Variants in NSD3 observed in about 807,000 individuals in gnomAD.
The protein encoded by NSD3 is nuclear receptor binding SET domain protein 3, also known as histone-lysine N-methyltransferase NSD3.
A neutral mutation model predicts 160.8 loss-of-function variants in NSD3; 24 were observed. The ratio of observed to expected loss-of-function variants is 0.15; its 90% confidence interval spans 0.11 to 0.21. The LOEUF (loss-of-function observed/expected upper bound fraction) is 0.21, where lower values mean the gene tolerates loss of function less well. NSD3 is among the 10% of genes least tolerant of loss of function. The probability of loss-of-function intolerance (pLI) is 1.00; values close to 1 mark genes in which losing one functional copy is unlikely to be tolerated. For missense variants in NSD3, 1,157 were observed against 1,735.9 expected (o/e 0.67, Z 5.93); for synonymous variants, 520 against 600.0 (o/e 0.87, Z 1.95).
chr8:38,287,230 G>A (rs952317880), intron 19 of NSD3, among the ~76,000 whole-genome samples: 8 of 152,032 alleles, frequency 5.3e-5, no homozygotes, highest in African/African-American at 1.9e-4. Context: ...TTATTTATTG[G>A]GAATAGGTTA....
chr8:38,309,550 G>T (rs1809484962), intron 12 of NSD3, among the ~76,000 whole-genome samples: 2 of 152,148 alleles, frequency 1.3e-5, no homozygotes. Flanking sequence ...CTAATCAGGA[G>T]GCTGGGGTGG....
chr8:38,285,697 T>C (rs956190223), intron 19 of NSD3, among the ~76,000 whole-genome samples: 1 of 152,258 alleles, frequency 6.6e-6, no homozygotes, highest in Non-Finnish European at 1.5e-5. Context: ...ATATATGATA[T>C]GCATGGCACT....
intron 1 of NSD3, among the ~76,000 whole-genome samples, chr8:38,373,801 A>T (rs897099015): frequency 2.0e-4 from 31 of 152,088 alleles, no homozygotes; most frequent in Non-Finnish European, 2.4e-4. Context: ...AAAAAATTTT[A>T]AAAAATAGCT....
At chr8:38,279,831 T>G in intron 20 of NSD3, 150 bp from the exon 21 acceptor site, 25 of 769,860 alleles carry the variant, frequency 3.2e-5, no homozygotes, top group East Asian at 8.2e-5. Flanking sequence ...CCTGGGTAAT[T>G]TACTAAGTTC....
intron 16 of NSD3, among the ~76,000 whole-genome samples, chr8:38,295,184 A>G (rs1809106070): frequency 6.6e-6 from 1 of 151,594 alleles, no homozygotes; most frequent in Admixed American, 6.6e-5. Flanking sequence ...GAAAAAAAAA[A>G]TCATCTCCAC....
chr8:38,377,232 T>A (rs144269447), intron 1 of NSD3, among the ~76,000 whole-genome samples: 1 of 145,016 alleles, frequency 6.9e-6, no homozygotes, highest in Non-Finnish European at 1.5e-5. Context: ...TTTGTATTTT[T>A]AGTAGAGACG....
chr8:38,376,100 T>C (rs1316929290), intron 1 of NSD3, among the ~76,000 whole-genome samples: 1 of 152,170 alleles, frequency 6.6e-6, no homozygotes, highest in Admixed American at 6.5e-5. Flanking sequence ...GTCTCTATTT[T>C]TTTTCCAGGT....
In NSD3 at chr8:38,322,434, G is replaced by C. The variant is rs192237757; in HGVS notation, c.1709-1262C>G. Among the ~76,000 whole-genome samples, 3 of 152,180 alleles carry C rather than the reference G, an allele frequency of 2.0e-5. No individual in the cohort carries two copies. The East Asian group carries it at 5.8e-4, about 29-fold the overall frequency. The stretch of plus-strand genomic sequence containing the variant: ...CCCTCCCAGACCAACCTGAGGATCC[G>C]AGATCCATACTTTAGTATTAAAGTG... On this transcript the variant is annotated intron_variant, in intron 7 of 23. Coordinates refer to ENST00000317025, the MANE Select transcript of NSD3 (RefSeq NM_023034.2).
chr8:38,279,466 G>A, intron 21 of NSD3, 74 bp downstream of exon 21: 2 of 1,504,888 alleles, frequency 1.3e-6, no homozygotes, highest in Non-Finnish European at 1.8e-6. Flanking sequence ...AAGCCTTGAA[G>A]AACCATGTCC....
At chr8:38,357,203 T>A (rs1810847180) in intron 1 of NSD3, among the ~76,000 whole-genome samples, 1 of 151,444 alleles carries the variant, frequency 6.6e-6, no homozygotes, top group African/African-American at 2.4e-5. Context: ...TTTTAAGATG[T>A]CATATAAATT....
chr8:38,353,133 A>T (rs1207736309), intron 1 of NSD3, among the ~76,000 whole-genome samples: 1 of 152,172 alleles, frequency 6.6e-6, no homozygotes, highest in Non-Finnish European at 1.5e-5. Context: ...CATGGCTAAG[A>T]TTCAACCCAA....
chr8:38,315,582 T>C lies in NSD3; in HGVS notation c.1987-38A>G, dbSNP rs779019444. ...CATAGCATTTTTAAGAAAAACAAAA[T>C]GAAAATTCCCTCCAAGATAAGATGC... On this transcript the variant is annotated intron_variant, in intron 10 of 23. Coordinates refer to ENST00000317025, the MANE Select transcript of NSD3 (RefSeq NM_023034.2). The C allele has an allele frequency of 4.4e-6, 7 of 1,607,224 alleles. No individual in the cohort carries two copies. The African/African-American group carries it at 9.4e-5, about 22-fold the overall frequency.
intron 4 of NSD3, among the ~76,000 whole-genome samples, chr8:38,335,317 T>G (rs1810189971): frequency 6.6e-6 from 1 of 152,212 alleles, no homozygotes; most frequent in African/African-American, 2.4e-5. Context: ...AAACTAAATG[T>G]AAATACTTCC....
At chr8:38,307,596 T>C (rs1809439657) in intron 12 of NSD3, among the ~76,000 whole-genome samples, 1 of 152,192 alleles carries the variant, frequency 6.6e-6, no homozygotes, top group South Asian at 2.1e-4. Context: ...TATGACTATA[T>C]GTATACTAGG....
At chr8:38,310,502 T>G (rs1356650602) in intron 12 of NSD3, among the ~76,000 whole-genome samples, 24 of 152,048 alleles carry the variant, frequency 1.6e-4, no homozygotes, top group Admixed American at 1.6e-3. Flanking sequence ...AGTACAAATA[T>G]CTGTTGGAGT....
Position 38,319,716 on chromosome 8 carries a change from A to C in NSD3, c.1810-776T>G, listed in dbSNP as rs1052584877. 6.6e-6 allele frequency: 1 copy of C among 152,220 alleles called. No homozygotes were observed. The allele number at this position is 152,220 out of a possible 1,614,324, so 9.4% of individuals were successfully genotyped here. ...TTCTTTAAGATGTGGTGAAATATGA[A>C]TGTTGAAACACATTTTGTAAATATT... On this transcript the variant is annotated intron_variant, in intron 8 of 23. Coordinates refer to ENST00000317025, the MANE Select transcript of NSD3 (RefSeq NM_023034.2). The surrounding 1 kb of genome is among the most constrained non-coding windows in gnomAD (Gnocchi z 4.1).
At chr8:38,379,229 C>T (rs1354438533) in intron 1 of NSD3, among the ~76,000 whole-genome samples, 1 of 151,770 alleles carries the variant, frequency 6.6e-6, no homozygotes, top group Admixed American at 6.6e-5. Flanking sequence ...AACCAGGATA[C>T]TTATGACAGC....
rs1425720663 is a variant in NSD3 at position 38,337,222 on chromosome 8, GTA to G, written c.910+81_910+82del. Reference sequence around the variant, plus strand: ...TTGTATCAGATTATATATTACGTGTGTATTCTTATATTCACATACAACATTTA... The same window carrying G: ...TTGTATCAGATTATATATTACGTGTGTTCTTATATTCACATACAACATTTA... On this transcript the variant is annotated intron_variant, in intron 4 of 23. Coordinates refer to ENST00000317025, the MANE Select transcript of NSD3 (RefSeq NM_023034.2). 4 of 1,205,966 alleles carry G rather than the reference GTA, an allele frequency of 3.3e-6. No homozygotes were observed. In the Admixed American group the frequency reaches 1.3e-4, roughly 40 times the overall value. The allele number at this position is 1,205,966 out of a possible 1,614,324, so 74.7% of individuals were successfully genotyped here. A position where few individuals can be genotyped will look rare whatever the true frequency, so the allele number is the denominator to read the frequency against.
intron 1 of NSD3, among the ~76,000 whole-genome samples, chr8:38,361,754 CAAAAA>C (rs756700150): frequency 8.7e-4 from 27 of 31,152 alleles, no homozygotes; most frequent in African/African-American, 1.2e-4. Flanking sequence ...GACTCCGTCT[CAAAAA>C]AAAAAAAAAA....
Sources: gnomAD v4.1 joint callset for allele counts (sites outside exome capture counted in the v4.1 genomes callset) on GRCh38, gnomAD v4.1.1 for gene constraint, Gnocchi (gnomAD v3.1) non-coding constraint, MANE v1.5 for transcripts, NCBI Gene and HGNC (gene_info 2026-07-23, HGNC 2026-07-21) for gene names.